The following FER variants were observed in gnomAD, a reference collection of about 807,000 sequenced individuals.
The protein encoded by FER is FER tyrosine kinase.
In FER, 63 loss-of-function variants were observed where a neutral mutation model predicts 111.0. That is an observed-to-expected ratio of 0.57 (90% CI 0.46 to 0.70). The LOEUF (loss-of-function observed/expected upper bound fraction) is 0.70, where lower values mean the gene tolerates loss of function less well. Ranked by LOEUF, FER falls within the 30% of genes least tolerant of loss-of-function variation. The pLI is 0.00. For missense variants in FER, 914 were observed against 954.0 expected (o/e 0.96, Z 0.55); for synonymous variants, 327 against 313.9 (o/e 1.04, Z -0.44).
At chr5:108,888,909 A>G (rs1747590074) in intron 9 of FER, among the ~76,000 whole-genome samples, 2 of 151,888 alleles carry the variant, frequency 1.3e-5, no homozygotes, top group Admixed American at 1.3e-4. Flanking sequence ...CATTATCCTT[A>G]AAAACCACTA....
intron 17 of FER, among the ~76,000 whole-genome samples, chr5:109,147,531 GA>G (rs1754353173): frequency 6.6e-6 from 1 of 151,782 alleles, no homozygotes; most frequent in Non-Finnish European, 1.5e-5. Flanking sequence ...ATCCTGAAAA[GA>G]TAAAATATCC....
chr5:109,067,561 G>A (rs1775262865), intron 16 of FER, among the ~76,000 whole-genome samples: 1 of 151,472 alleles, frequency 6.6e-6, no homozygotes, highest in Admixed American at 6.6e-5. Flanking sequence ...AAAATATCTT[G>A]GAGTTATTTA....
intron 13 of FER, among the ~76,000 whole-genome samples, chr5:109,019,317 C>G (rs1423984999): frequency 1.3e-5 from 2 of 151,678 alleles, no homozygotes; most frequent in African/African-American, 4.8e-5. Context: ...CAATAGCAGT[C>G]TAGAAGACAC....
chr5:109,164,854 G>A (rs1379387387), intron 17 of FER, among the ~76,000 whole-genome samples: 1 of 152,076 alleles, frequency 6.6e-6, no homozygotes, highest in Non-Finnish European at 1.5e-5. Flanking sequence ...CTTCCACTTA[G>A]CATGTTGACG....
chr5:109,055,633 T>G (rs1773521560), intron 16 of FER, among the ~76,000 whole-genome samples: 1 of 151,322 alleles, frequency 6.6e-6, no homozygotes, highest in Non-Finnish European at 1.5e-5. Flanking sequence ...ACTTTTTTTT[T>G]TAAATTAACC....
At chr5:109,018,379 G>A (rs555378395) in intron 13 of FER, among the ~76,000 whole-genome samples, 2 of 151,950 alleles carry the variant, frequency 1.3e-5, no homozygotes, top group African/African-American at 4.8e-5. Flanking sequence ...GCTTTAAGAT[G>A]AAGTTAAAAT....
chr5:108,881,338 G>A (rs1172289292), intron 8 of FER, among the ~76,000 whole-genome samples: 1 of 152,130 alleles, frequency 6.6e-6, no homozygotes, highest in Non-Finnish European at 1.5e-5. Flanking sequence ...ACGGATGGCA[G>A]CAGGCAAAGA....
chr5:109,171,742 A>G (rs1304932567), intron 17 of FER, among the ~76,000 whole-genome samples: 1 of 152,142 alleles, frequency 6.6e-6, no homozygotes. Context: ...AGTAGACGCT[A>G]TTGCCATCAA....
intron 10 of FER, among the ~76,000 whole-genome samples, chr5:108,909,069 T>A (rs1197403624): frequency 1.3e-5 from 2 of 152,188 alleles, no homozygotes; most frequent in African/African-American, 4.8e-5. Context: ...AGATGTTCTA[T>A]CTGGCGGCTT....
intron 17 of FER, among the ~76,000 whole-genome samples, chr5:109,117,359 A>G (rs1165646418): frequency 6.6e-6 from 1 of 151,754 alleles, no homozygotes; most frequent in Non-Finnish European, 1.5e-5. Context: ...TAATTCCACT[A>G]TTTCATGTGA....
rs188156618 is a variant in FER, at chr5:109,091,694, T to C, written c.1925-8702T>C. Among the ~76,000 whole-genome samples the C allele has an allele frequency of 5.3e-5, 8 of 152,236 alleles. No homozygotes were observed. In the East Asian group the frequency reaches 1.5e-3, roughly 29 times the overall value. The stretch of plus-strand genomic sequence containing the variant: ...CATAGCCAAGCCATGAGTGTAGGGC[T>C]ACCCAAGGTCTTTGGGGCAAATACC... On this transcript the variant is annotated intron_variant, in intron 16 of 19. Transcript: ENST00000281092.
At position 108,958,350 on chromosome 5, in the gene FER, A is replaced by G. The variant is rs191345158; in HGVS notation, c.1534-875A>G. On this transcript the variant is annotated intron_variant, in intron 12 of 19. Coordinates refer to ENST00000281092, the MANE Select transcript of FER (RefSeq NM_005246.4). ...GGTACTCCCATATCTGTATTTGTAT[A>G]TATCTTCCTGGGTATGAGAACTAGC... Among the ~76,000 whole-genome samples the G allele has an allele frequency of 4.0e-5, 6 of 151,850 alleles. No homozygotes were observed. The East Asian group carries it at 1.2e-3, about 29-fold the overall frequency.
At chr5:109,033,713 GTT>G (rs1403434422) in intron 13 of FER, among the ~76,000 whole-genome samples, 1 of 152,118 alleles carries the variant, frequency 6.6e-6, no homozygotes, top group Non-Finnish European at 1.5e-5. Context: ...CGGATTGGGA[GTT>G]TGCCTCTCTA....
chr5:108,833,028 GT>G, intron 4 of FER, 85 bp downstream of exon 4: 2 of 1,214,498 alleles, frequency 1.6e-6, no homozygotes, highest in Non-Finnish European at 1.1e-6. Flanking sequence ...TTTAAAAATT[GT>G]TTATTCATCA....
chr5:108,871,948 C>T, intron 7 of FER, 145 bp from the exon 8 acceptor site: 1 of 807,542 alleles, frequency 1.2e-6, no homozygotes, highest in Non-Finnish European at 1.8e-6. Flanking sequence ...TTTTGAAACC[C>T]AGGATTTAGT....
At chr5:108,997,437 AT>A (rs1317214430) in intron 13 of FER, among the ~76,000 whole-genome samples, 1 of 148,342 alleles carries the variant, frequency 6.7e-6, no homozygotes, top group East Asian at 2.0e-4. Flanking sequence ...AAAAAAAGAG[AT>A]TTTGGGCTGA....
At chr5:108,822,426 C>G (rs1368259079) in intron 3 of FER, among the ~76,000 whole-genome samples, 3 of 152,150 alleles carry the variant, frequency 2.0e-5, no homozygotes, top group African/African-American at 7.2e-5. Flanking sequence ...AAGGTCATCA[C>G]CCTGGCTTCC....
At chr5:109,152,653 T>A (rs1166709758) in intron 17 of FER, among the ~76,000 whole-genome samples, 1 of 151,980 alleles carries the variant, frequency 6.6e-6, no homozygotes, top group Non-Finnish European at 1.5e-5. Context: ...GAATTGCAAG[T>A]ATTTATAGAA....
At chr5:108,985,013 C>G (rs72790510) in intron 13 of FER, among the ~76,000 whole-genome samples, 1 of 151,812 alleles carries the variant, frequency 6.6e-6, no homozygotes, top group African/African-American at 2.4e-5. Context: ...TAATAATATT[C>G]TAATCTAAAA....
Sources: gnomAD v4.1 joint callset for allele counts (sites outside exome capture counted in the v4.1 genomes callset) on GRCh38, gnomAD v4.1.1 for gene constraint, MANE v1.5 for transcripts, NCBI Gene and HGNC (gene_info 2026-07-23, HGNC 2026-07-21) for gene names.